Variants in FAM227B observed in about 807,000 individuals in gnomAD.
The protein encoded by FAM227B is protein FAM227B.
A neutral mutation model predicts 73.8 loss-of-function variants in FAM227B; 88 were observed. That is an observed-to-expected ratio of 1.19 (90% CI 1.00 to 1.42). FAM227B has a LOEUF of 1.42. Ranked by LOEUF, FAM227B falls within the 40% of genes most tolerant of loss-of-function variation. The pLI, the probability that FAM227B is intolerant of heterozygous loss-of-function variation, is 0.00. For missense variants in FAM227B, 632 were observed against 590.9 expected, an observed-to-expected ratio of 1.07 and a Z score of -0.72; for synonymous variants, 210 against 190.5, an observed-to-expected ratio of 1.10 and a Z score of -0.84.
chr15:49,466,422 A>G (rs926606260), intron 11 of FAM227B, among the ~76,000 whole-genome samples: 1 of 152,170 alleles, frequency 6.6e-6, no homozygotes, highest in African/African-American at 2.4e-5. Flanking sequence ...AAGTCAAAGG[A>G]TCTTCTAAGT....
intron 10 of FAM227B, among the ~76,000 whole-genome samples, chr15:49,526,654 A>T (rs2060226463): frequency 6.6e-6 from 1 of 152,046 alleles, no homozygotes; most frequent in Non-Finnish European, 1.5e-5. Context: ...CATTAGGTAG[A>T]TTTGCCAAGC....
At chr15:49,408,242 TGTAG>T (rs1263128499) in intron 11 of FAM227B, among the ~76,000 whole-genome samples, 7 of 152,256 alleles carry the variant, frequency 4.6e-5, no homozygotes, top group Non-Finnish European at 1.0e-4. Context: ...CTCAAATCTT[TGTAG>T]GTATTCTGTA....
chr15:49,451,725 G>A (rs1195715025), intron 11 of FAM227B, among the ~76,000 whole-genome samples: 1 of 152,016 alleles, frequency 6.6e-6, no homozygotes, highest in Admixed American at 6.6e-5. Context: ...TAAATTTGAA[G>A]CCTTTATTGG....
chr15:49,328,223 C>T lies in FAM227B; in HGVS notation c.*345G>A, dbSNP rs2037871044. On this transcript the variant is annotated 3_prime_UTR_variant, in exon 16 of 16. Transcript: ENST00000299338. ...TTAGGAATTGGCAGGACTTTCTGTG[C>T]CACAGTAAATTAATCTTCCTTCTGT... 22 of 1,530,250 alleles carry T rather than the reference C, an allele frequency of 1.4e-5. No individual in the cohort carries two copies. The highest frequency in any genetic ancestry group is 1.8e-5 in the Non-Finnish European group (20 of 1,136,450). The allele number at this position is 1,530,250 out of a possible 1,614,324, so 94.8% of individuals were successfully genotyped here.
At chr15:49,581,858 C>T (rs1357172136) in intron 5 of FAM227B, among the ~76,000 whole-genome samples, 2 of 151,990 alleles carry the variant, frequency 1.3e-5, no homozygotes, top group African/African-American at 2.4e-5. Context: ...CTAAAAAGTA[C>T]CCACACAATC....
chr15:49,502,388 T>G (rs2058216283), intron 11 of FAM227B, among the ~76,000 whole-genome samples: 1 of 152,250 alleles, frequency 6.6e-6, no homozygotes, highest in South Asian at 2.1e-4. Context: ...GTGCCCATCC[T>G]TTGCACCAGT....
At chr15:49,571,206 T>C (rs966522458) in intron 8 of FAM227B, among the ~76,000 whole-genome samples, 2 of 151,872 alleles carry the variant, frequency 1.3e-5, no homozygotes, top group Non-Finnish European at 2.9e-5. Context: ...ATCAGGTTGT[T>C]TTCCTGCTAT....
chr15:49,440,052 AT>A (rs1159509013), intron 11 of FAM227B, among the ~76,000 whole-genome samples: 2 of 151,766 alleles, frequency 1.3e-5, no homozygotes, highest in East Asian at 3.9e-4. Context: ...CTAGTCTATT[AT>A]GCTTATTTTA....
At chr15:49,565,810 G>A (rs569476038) in intron 9 of FAM227B, among the ~76,000 whole-genome samples, 6 of 152,306 alleles carry the variant, frequency 3.9e-5, no homozygotes, top group African/African-American at 1.4e-4. Flanking sequence ...CCCATGGGCT[G>A]TAAGTGTCCT....
chr15:49,448,841 C>T (rs886212937), intron 11 of FAM227B, among the ~76,000 whole-genome samples: 6 of 151,728 alleles, frequency 4.0e-5, no homozygotes, highest in African/African-American at 1.4e-4. Flanking sequence ...CAAGAATGAA[C>T]CCTCTACAAT....
At chr15:49,405,980 C>T (rs1202990591) in intron 11 of FAM227B, among the ~76,000 whole-genome samples, 3 of 152,156 alleles carry the variant, frequency 2.0e-5, no homozygotes, top group Admixed American at 6.5e-5. Flanking sequence ...TAGATTTAAC[C>T]AACTGGCTTC....
At position 49,615,124 on chromosome 15, in the gene FAM227B, G is replaced by A. The variant is rs146493430; in HGVS notation, c.48C>T (p.Pro16=). 3.3e-5 allele frequency: 54 copies of A among 1,613,224 alleles called. 1 individual carries two copies. The highest frequency in any genetic ancestry group is 3.2e-4 in the African/African-American group (24 of 75,012). ...AAAGCTGTGGAAGCTTCCTTACCCC[G>A]GGGCCAGCTCTGCTGCTCCTCCTTT... ...TCQRRSSRAG[P]GKMQEPPKSI... Residue 16 remains proline, a synonymous_variant, in exon 2 of 16, where the codon CCC becomes CCT. Coordinates refer to ENST00000299338, the MANE Select transcript of FAM227B (RefSeq NM_152647.3).
intron 11 of FAM227B, among the ~76,000 whole-genome samples, chr15:49,467,229 T>C (rs1479834082): frequency 6.6e-6 from 1 of 152,198 alleles, no homozygotes; most frequent in Non-Finnish European, 1.5e-5. Context: ...TAACATGCTT[T>C]GTGACTCCTA....
chr15:49,417,871 A>G (rs2049326075), intron 11 of FAM227B, among the ~76,000 whole-genome samples: 1 of 152,234 alleles, frequency 6.6e-6, no homozygotes, highest in South Asian at 2.1e-4. Flanking sequence ...AATTATCAAC[A>G]AAGTAAACAG....
chr15:49,368,129 C>G (rs1490512679), intron 12 of FAM227B, among the ~76,000 whole-genome samples: 1 of 151,662 alleles, frequency 6.6e-6, no homozygotes, highest in Non-Finnish European at 1.5e-5. Context: ...AACTTCTTAT[C>G]ATAACAAAAC....
chr15:49,583,535 T>G (rs899468835), intron 5 of FAM227B, among the ~76,000 whole-genome samples: 1 of 151,962 alleles, frequency 6.6e-6, no homozygotes, highest in Admixed American at 6.6e-5. Context: ...ACCCGTTGTT[T>G]AGCATATCAT....
At chr15:49,569,747 C>G (rs929893806) in intron 8 of FAM227B, among the ~76,000 whole-genome samples, 2 of 152,000 alleles carry the variant, frequency 1.3e-5, no homozygotes, top group Non-Finnish European at 2.9e-5. Flanking sequence ...TCCTGTCTCA[C>G]TGAAACTCTT....
intron 13 of FAM227B, among the ~76,000 whole-genome samples, chr15:49,337,133 G>C (rs1005269481): frequency 1.3e-5 from 2 of 152,156 alleles, no homozygotes; most frequent in Non-Finnish European, 1.5e-5. Flanking sequence ...TTGCTATTGT[G>C]AATAGTGCTG....
At chr15:49,549,413 G>A (rs1300908612) in intron 9 of FAM227B, among the ~76,000 whole-genome samples, 1 of 151,916 alleles carries the variant, frequency 6.6e-6, no homozygotes, top group Non-Finnish European at 1.5e-5. Context: ...TGGAGGGAAG[G>A]TCAGCAGATA....
Sources: allele counts gnomAD v4.1 joint callset (sites outside exome capture counted in the v4.1 genomes callset), GRCh38; gene constraint gnomAD v4.1.1; transcripts MANE v1.5; gene names NCBI Gene and HGNC (gene_info 2026-07-23, HGNC 2026-07-21).